ABCD2: variants seen among roughly 807,000 people sequenced by gnomAD.
The protein encoded by ABCD2 is ATP binding cassette subfamily D member 2.
A neutral mutation model predicts 70.9 loss-of-function variants in ABCD2; 36 were observed. The observed-to-expected ratio is 0.51, with a 90% CI of 0.39 to 0.67. The LOEUF (loss-of-function observed/expected upper bound fraction) is 0.67, where lower values mean the gene tolerates loss of function less well. Among genes scored for constraint, ABCD2 ranks in the 30% least tolerant of loss-of-function variants. The pLI is 0.00. For missense variants in ABCD2, 729 were observed against 890.2 expected (o/e 0.82, Z 2.30); for synonymous variants, 304 against 306.9 (o/e 0.99, Z 0.10).
rs572005135 is a variant in ABCD2 at position 39,619,626 on chromosome 12, A to G, written c.-11T>C. On this transcript the variant is annotated 5_prime_UTR_variant, in exon 1 of 10. Transcript: ENST00000308666. ...TAGCATATGTGTCATTTTCCCAGTT[A>G]CCCAAACCGGCTTCCAAAAGAATTC... 961 of 1,592,260 alleles carry G rather than the reference A, an allele frequency of 6.0e-4. 5 individuals are homozygous for G. The highest frequency in any genetic ancestry group is 1.0e-3 in the Middle Eastern group (6 of 5,962).
intron 9 of ABCD2, among the ~76,000 whole-genome samples, chr12:39,556,316 C>T (rs894970598): frequency 2.6e-5 from 4 of 152,156 alleles, no homozygotes; most frequent in Non-Finnish European, 5.9e-5. Flanking sequence ...CCCAAAATCT[C>T]ATTTTGAATT....
chr12:39,588,139 G>C lies in ABCD2; in HGVS notation c.1647-1842C>G, dbSNP rs1941691315. ...AAGAGAAAAACTAATTTTAATTTGA[G>C]TATCAGTATGAATTTATGTTTTTTA... On this transcript the variant is annotated intron_variant, in intron 6 of 9. Transcript: ENST00000308666. 2.0e-5 allele frequency among the ~76,000 whole-genome samples: 3 copies of C among 152,088 alleles called. No individual in the cohort carries two copies. The South Asian group carries it at 6.2e-4, about 32-fold the overall frequency.
At chr12:39,535,274 A>G in the ABCD2 span, among the ~76,000 whole-genome samples, 1 of 152,354 alleles carries the variant, frequency 6.6e-6, no homozygotes, top group East Asian at 1.9e-4. Context: ...CTAACTCCTA[A>G]CTTTAAGAAT....
chr12:39,586,186 A>T lies in ABCD2; in HGVS notation c.1758T>A (p.Asn586Lys). ...TDQDLERILH[N>K]VHLYHIVQRE... Reference sequence around the variant, plus strand: ...TTTGAACTATGTGATAGAGATGGACATTGTGTAGGATACGTTCCAGATCTT... The same window carrying T: ...TTTGAACTATGTGATAGAGATGGACTTTGTGTAGGATACGTTCCAGATCTT... The change falls in exon 7 of 10, where the codon AAT (asparagine) becomes AAA (lysine). Residue 586 changes from asparagine to lysine, a missense_variant. By Grantham distance (94) the Asn-to-Lys change is moderately conservative (BLOSUM62 0). This residue lies in a region of ABCD2 where 289 missense variants were observed against 328.8 expected (regional missense o/e 0.88). Transcript: ENST00000308666. 1 of 1,613,178 alleles carries T rather than the reference A, an allele frequency of 6.2e-7. No homozygotes were observed. The highest frequency in any genetic ancestry group is 1.1e-5 in the South Asian group (1 of 90,914).
intron 9 of ABCD2, among the ~76,000 whole-genome samples, chr12:39,555,857 C>A (rs971757616): frequency 1.3e-5 from 2 of 152,118 alleles, no homozygotes; most frequent in South Asian, 4.1e-4. Context: ...CAGTGGCAGG[C>A]AGGACTCAGT....
intron 6 of ABCD2, among the ~76,000 whole-genome samples, chr12:39,592,625 T>C (rs1055078913): frequency 6.6e-6 from 1 of 152,170 alleles, no homozygotes; most frequent in Non-Finnish European, 1.5e-5. Flanking sequence ...AGCAGGACAA[T>C]AGATATGTAA....
At chr12:39,534,921 AAAGAAAGAAAGAAAGAAAG>A in the ABCD2 span, among the ~76,000 whole-genome samples, 1 of 105,672 alleles carries the variant, frequency 9.5e-6, no homozygotes, top group East Asian at 2.8e-4. Flanking sequence ...AGAAAGAAAG[AAAGAAAGAAAGAAAGAAAG>A]AAAGAAAGAA....
In ABCD2 at chr12:39,553,916, G is replaced by GA. The variant is rs1458255109; in HGVS notation, c.2218dup (p.Ser740PhefsTer9). On this transcript the variant is annotated frameshift_variant, in exon 10 of 10. Transcript: ENST00000308666. LOFTEE classifies it high-confidence loss of function. ...TTTAAAATATGTCAAAACAAATTAA[G>GA]ATGTCTCATCTTCATTTTTAATTGT... The GA allele has an allele frequency of 6.2e-7, 1 of 1,602,622 alleles. No homozygotes were observed. The highest frequency in any genetic ancestry group is 8.5e-7 in the Non-Finnish European group (1 of 1,173,728).
intron 2 of ABCD2, among the ~76,000 whole-genome samples, chr12:39,615,950 C>G (rs569090508): frequency 1.2e-3 from 190 of 152,158 alleles, no homozygotes; most frequent in African/African-American, 4.2e-3. Context: ...ATAACATGCT[C>G]TGTACTTCAT....
At position 39,592,512 on chromosome 12, in the gene ABCD2, A is replaced by G. The variant is rs530172084; in HGVS notation, c.1647-6215T>C. ...ACAGAGACATGTGGTTGCCTTTTCT[A>G]GCTTTTAATCTATAAAAGTTTGTTC... is the stretch of plus-strand genomic sequence containing the variant. On this transcript the variant is annotated intron_variant, in intron 6 of 9. Coordinates refer to ENST00000308666, the MANE Select transcript of ABCD2 (RefSeq NM_005164.4). Among the ~76,000 whole-genome samples, 9 of 152,324 alleles carry G rather than the reference A, an allele frequency of 5.9e-5. No individual in the cohort carries two copies. In the South Asian group the frequency reaches 1.9e-3, roughly 32 times the overall value.
At chr12:39,598,981 AATG>A (rs1941858662) in intron 6 of ABCD2, among the ~76,000 whole-genome samples, 1 of 152,176 alleles carries the variant, frequency 6.6e-6, no homozygotes. Flanking sequence ...AATCAAGGTA[AATG>A]ACTTTTAACA....
Position 39,553,873 on chromosome 12 carries a change from T to C in ABCD2, c.*39A>G. 1 of 1,458,736 alleles carries C rather than the reference T, an allele frequency of 6.9e-7. No homozygotes were observed. 90.4% of individuals were successfully genotyped at this position (1,458,736 alleles called of 1,614,324 possible). A position where few individuals can be genotyped will look rare whatever the true frequency, so the allele number is the denominator to read the frequency against. ...CAGTATAACAGAATGTCTTTGAGCC[T>C]TTATCTAATAATTAACTTTTAAAAT... On this transcript the variant is annotated 3_prime_UTR_variant, in exon 10 of 10. Transcript: ENST00000308666.
chr12:39,606,316 T>C (rs1264508834), intron 3 of ABCD2, among the ~76,000 whole-genome samples: 9 of 152,174 alleles, frequency 5.9e-5, no homozygotes, highest in Non-Finnish European at 1.0e-4. Flanking sequence ...GTCCCTCTGG[T>C]GCTAGCAGAG....
intron 9 of ABCD2, among the ~76,000 whole-genome samples, chr12:39,559,354 G>T: frequency 7.1e-6 from 1 of 141,122 alleles, no homozygotes; most frequent in South Asian, 2.5e-4. Flanking sequence ...TCCAGCCTGG[G>T]TGACAAGAGT....
chr12:39,577,572 C>T (rs1264845352), intron 8 of ABCD2, among the ~76,000 whole-genome samples: 1 of 152,084 alleles, frequency 6.6e-6, no homozygotes, highest in Admixed American at 6.5e-5. Context: ...CAATAAAATG[C>T]AATGTGTGAA....
intron 9 of ABCD2, among the ~76,000 whole-genome samples, chr12:39,564,502 G>T (rs994316474): frequency 9.2e-5 from 14 of 151,800 alleles, no homozygotes; most frequent in South Asian, 2.1e-4. Flanking sequence ...TAAATTTGTT[G>T]GAGTTCATTG....
At position 39,604,885 on chromosome 12, in the gene ABCD2, A is replaced by C; in HGVS notation, c.1282T>G (p.Trp428Gly). Residue 428 changes from tryptophan to glycine, a missense_variant, in exon 4 of 10, where the codon TGG becomes GGG. Coordinates refer to ENST00000308666, the MANE Select transcript of ABCD2 (RefSeq NM_005164.4). Reference sequence around the variant, plus strand: ...CCTCTTTTTACTTCATCAAAGACCCAAAACATATTGTACACTCGAGCAGTG... The same window carrying C: ...CCTCTTTTTACTTCATCAAAGACCCCAAACATATTGTACACTCGAGCAGTG... Reference protein sequence around the residue: ...GYTARVYNMFWVFDEVKRGIY... With the variant: ...GYTARVYNMFGVFDEVKRGIY... 1 of 1,612,310 alleles carries C rather than the reference A, an allele frequency of 6.2e-7. No individual in the cohort carries two copies. The highest frequency in any genetic ancestry group is 8.5e-7 in the Non-Finnish European group (1 of 1,179,190).
chr12:39,610,733 GTCT>G (rs1325794923), intron 2 of ABCD2, among the ~76,000 whole-genome samples: 13 of 152,230 alleles, frequency 8.5e-5, no homozygotes, highest in African/African-American at 2.9e-4. Context: ...TGCTTATTGG[GTCT>G]TCTTCATGTT....
chr12:39,567,377 A>G (rs554394469), intron 9 of ABCD2, among the ~76,000 whole-genome samples: 11 of 152,202 alleles, frequency 7.2e-5, no homozygotes, highest in African/African-American at 2.2e-4. Context: ...TCCCTTTACC[A>G]TTATGTAATG....
Sources: gnomAD v4.1 joint callset for allele counts (sites outside exome capture counted in the v4.1 genomes callset) on GRCh38, gnomAD v4.1.1 for gene constraint, gnomAD v4.1.1 regional missense constraint, MANE v1.5 for transcripts, NCBI Gene and HGNC (gene_info 2026-07-23, HGNC 2026-07-21) for gene names.